The following DAB1 variants were observed in gnomAD, a reference collection of about 807,000 sequenced individuals.
DAB1 encodes the protein DAB adaptor protein 1, also known as disabled homolog 1.
In DAB1, 15 loss-of-function variants were observed where a neutral mutation model predicts 64.6. The observed-to-expected ratio is 0.23, with a 90% CI of 0.16 to 0.36. The LOEUF (loss-of-function observed/expected upper bound fraction) is 0.36, where lower values mean the gene tolerates loss of function less well. Ranked by LOEUF, DAB1 falls within the 10% of genes least tolerant of loss-of-function variation. The probability of loss-of-function intolerance (pLI) is 1.00; values close to 1 mark genes in which losing one functional copy is unlikely to be tolerated. For missense variants in DAB1, 596 were observed against 706.7 expected (o/e 0.84, Z 1.78); for synonymous variants, 235 against 251.9 (o/e 0.93, Z 0.64).
At chr1:57,900,155 A>G (rs1028263904) in intron 5 of DAB1, among the ~76,000 whole-genome samples, 1 of 152,248 alleles carries the variant, frequency 6.6e-6, no homozygotes, top group Non-Finnish European at 1.5e-5. Context: ...GTTTTATAAA[A>G]AGGGACTAGG....
At chr1:57,859,235 C>T (rs745600119) in intron 1 of DAB1, among the ~76,000 whole-genome samples, 8 of 152,160 alleles carry the variant, frequency 5.3e-5, no homozygotes, top group Non-Finnish European at 1.2e-4. Flanking sequence ...ATCTCCCTGC[C>T]TCTTGACCTT....
intron 7 of DAB1, among the ~76,000 whole-genome samples, chr1:57,501,706 A>G (rs2101317420): frequency 6.6e-6 from 1 of 152,342 alleles, no homozygotes; most frequent in East Asian, 1.9e-4. Flanking sequence ...GTATAAAATT[A>G]GTTCTCATTA....
intron 2 of DAB1, among the ~76,000 whole-genome samples, chr1:57,257,315 T>A (rs1273358135): frequency 6.6e-6 from 1 of 152,146 alleles, no homozygotes; most frequent in African/African-American, 2.4e-5. Flanking sequence ...AACTGCCACA[T>A]CCAGTCTCCA....
chr1:57,090,889 T>C (rs1194731610), intron 4 of DAB1, among the ~76,000 whole-genome samples: 1 of 152,138 alleles, frequency 6.6e-6, no homozygotes, highest in African/African-American at 2.4e-5. Context: ...AGTAGCAGCA[T>C]TAGAGTCTCA....
intron 6 of DAB1, among the ~76,000 whole-genome samples, chr1:57,715,349 T>C (rs1268977402): frequency 6.6e-6 from 1 of 152,188 alleles, no homozygotes; most frequent in Non-Finnish European, 1.5e-5. Context: ...GCTGAAAGCT[T>C]TTCCTCTAAT....
chr1:57,964,812 A>G (rs1223615902), intron 5 of DAB1, among the ~76,000 whole-genome samples: 11 of 152,186 alleles, frequency 7.2e-5, no homozygotes, highest in Non-Finnish European at 5.9e-5. Context: ...AAACAAGAGA[A>G]GAAGGAAGGA....
chr1:58,202,701 C>G (rs1204930988), intron 4 of DAB1, among the ~76,000 whole-genome samples: 2 of 152,210 alleles, frequency 1.3e-5, no homozygotes, highest in Non-Finnish European at 2.9e-5. Context: ...TTTGTACAAG[C>G]TAATTATACT....
intron 6 of DAB1, among the ~76,000 whole-genome samples, chr1:57,768,893 A>G (rs1210745773): frequency 6.6e-6 from 1 of 152,134 alleles, no homozygotes; most frequent in Non-Finnish European, 1.5e-5. Flanking sequence ...AAATCATTTA[A>G]GAGCTCTTCA....
At chr1:57,577,478 C>G (rs1645263883) in intron 7 of DAB1, among the ~76,000 whole-genome samples, 3 of 151,766 alleles carry the variant, frequency 2.0e-5, no homozygotes, top group Non-Finnish European at 4.4e-5. Context: ...AATACCCAAC[C>G]TTTAATTGAT....
At chr1:58,257,413 G>A (rs1660956829) in intron 4 of DAB1, among the ~76,000 whole-genome samples, 1 of 152,180 alleles carries the variant, frequency 6.6e-6, no homozygotes. Context: ...ATCAGGGTGT[G>A]GGGCTATGAC....
chr1:58,404,528 G>T (rs1244068808), intron 3 of DAB1, among the ~76,000 whole-genome samples: 1 of 152,118 alleles, frequency 6.6e-6, no homozygotes, highest in Non-Finnish European at 1.5e-5. Context: ...CAGCCTTCAG[G>T]GCTTACCTAG....
At chr1:58,153,233 C>T (rs1282731555) in intron 4 of DAB1, among the ~76,000 whole-genome samples, 4 of 152,158 alleles carry the variant, frequency 2.6e-5, no homozygotes, top group Non-Finnish European at 5.9e-5. Context: ...ACAACTTTAG[C>T]GTGTTTGCTG....
chr1:58,209,503 T>C (rs1282109345), intron 4 of DAB1, among the ~76,000 whole-genome samples: 1 of 152,208 alleles, frequency 6.6e-6, no homozygotes, highest in African/African-American at 2.4e-5. Flanking sequence ...AGTAGCTATT[T>C]TCCAATGCAA....
chr1:57,581,418 A>G (rs1645310399), intron 7 of DAB1, among the ~76,000 whole-genome samples: 1 of 152,176 alleles, frequency 6.6e-6, no homozygotes, highest in Non-Finnish European at 1.5e-5. Context: ...AAGGATTTGA[A>G]TACAATGGAA....
At chr1:57,774,969 T>C (rs989188385) in intron 6 of DAB1, among the ~76,000 whole-genome samples, 6 of 151,692 alleles carry the variant, frequency 4.0e-5, no homozygotes, top group Non-Finnish European at 7.4e-5. Flanking sequence ...ATTCAAGTTT[T>C]CCATTTCTTC....
intron 3 of DAB1, among the ~76,000 whole-genome samples, chr1:58,503,825 T>C (rs923856915): frequency 6.6e-6 from 1 of 152,212 alleles, no homozygotes; most frequent in African/African-American, 2.4e-5. Context: ...CTATGGTATT[T>C]TTATTATTGC....
At chr1:57,859,420 T>C (rs1400220716) in intron 1 of DAB1, among the ~76,000 whole-genome samples, 3 of 152,162 alleles carry the variant, frequency 2.0e-5, no homozygotes, top group Non-Finnish European at 4.4e-5. Flanking sequence ...GATGCCGTAA[T>C]AGGCACTTTA....
exon 3 of DAB1, chr1:58,506,097 C>A (rs752336405): frequency 5.7e-6 from 5 of 871,870 alleles, no homozygotes; most frequent in Non-Finnish European, 1.0e-5. Context: ...AACTCGATTG[C>A]CATGAGAAGG....
intron 7 of DAB1, among the ~76,000 whole-genome samples, chr1:57,524,313 C>A (rs1180732165): frequency 6.6e-6 from 1 of 152,046 alleles, no homozygotes; most frequent in Non-Finnish European, 1.5e-5. Flanking sequence ...AAAAGGCTTA[C>A]AATGAAGCAT....
Sources: gnomAD v4.1 joint callset for allele counts (sites outside exome capture counted in the v4.1 genomes callset) on GRCh38, gnomAD v4.1.1 for gene constraint, MANE v1.5 for transcripts, NCBI Gene and HGNC (gene_info 2026-07-23, HGNC 2026-07-21) for gene names.